Variants in PRKCE observed in about 807,000 individuals in gnomAD.
PRKCE encodes the protein protein kinase C epsilon type.
PRKCE carries 16 observed loss-of-function variants against 85.4 expected under a neutral mutation model. The ratio of observed to expected loss-of-function variants is 0.19; its 90% CI spans 0.13 to 0.28. The LOEUF (loss-of-function observed/expected upper bound fraction) is 0.28. Ranked by LOEUF, PRKCE falls within the 10% of genes least tolerant of loss-of-function variation. PRKCE has a pLI of 1.00. For missense variants in PRKCE, 573 were observed against 975.2 expected, an observed-to-expected ratio of 0.59 and a Z score of 5.49; for synonymous variants, 388 against 371.5, an observed-to-expected ratio of 1.04 and a Z score of -0.51.
At chr2:46,008,942 G>A (rs1388396543) in intron 9 of PRKCE, among the ~76,000 whole-genome samples, 1 of 152,068 alleles carries the variant, frequency 6.6e-6, no homozygotes, top group Admixed American at 6.5e-5. Flanking sequence ...TAAAATACGC[G>A]GGCGACAAAA....
At chr2:46,010,978 G>T (rs925541288) in intron 10 of PRKCE, 13 of 1,376,046 alleles carry the variant, frequency 9.4e-6, no homozygotes, top group Non-Finnish European at 1.2e-5. Flanking sequence ...AAATTTCATA[G>T]TGAAACACAA....
intron 2 of PRKCE, among the ~76,000 whole-genome samples, chr2:45,883,434 C>T (rs28415173): frequency 0.067 from 10,208 of 152,222 alleles, 1,154 homozygotes; most frequent in African/African-American, 0.23. Flanking sequence ...TAATGGCCTT[C>T]GGGAGCCAAC....
At chr2:46,098,538 T>C (rs1321788109) in intron 11 of PRKCE, among the ~76,000 whole-genome samples, 1 of 151,594 alleles carries the variant, frequency 6.6e-6, no homozygotes, top group African/African-American at 2.4e-5. Flanking sequence ...GTTAGTAAAC[T>C]GATGAAAACA....
Position 46,139,571 on chromosome 2 carries a change from C to T in PRKCE, c.1593-5522C>T, listed in dbSNP as rs1675307326. On this transcript the variant is annotated intron_variant, in intron 11 of 14. Transcript: ENST00000306156. This position sits in a 1 kb window ranked among gnomAD's most constrained non-coding sequence, Gnocchi z 5.2. ...GAAGGCTGATGGTCCAGTTACCATT[C>T]CTAGGACTTAGTCCTTGTCTTTATG... Among the ~76,000 whole-genome samples the T allele has an allele frequency of 6.6e-6, 1 of 151,996 alleles. No homozygotes were observed. The highest frequency in any genetic ancestry group is 1.5e-5 in the Non-Finnish European group (1 of 67,994).
At chr2:46,055,194 TGCTTCTGGG>T (rs1335921218) in intron 10 of PRKCE, among the ~76,000 whole-genome samples, 4 of 152,208 alleles carry the variant, frequency 2.6e-5, no homozygotes, top group Admixed American at 1.3e-4. Flanking sequence ...ACTATTATAC[TGCTTCTGGG>T]GCTTCAGGGA....
intron 2 of PRKCE, among the ~76,000 whole-genome samples, chr2:45,965,520 G>C (rs994045513): frequency 5.3e-5 from 8 of 152,206 alleles, no homozygotes; most frequent in Non-Finnish European, 1.0e-4. Flanking sequence ...CCTAGCTTCT[G>C]TGAGGAGCAC....
At chr2:45,717,155 G>A (rs1230446874) in intron 1 of PRKCE, among the ~76,000 whole-genome samples, 1 of 152,202 alleles carries the variant, frequency 6.6e-6, no homozygotes, top group Non-Finnish European at 1.5e-5. Context: ...CCCATTGTTT[G>A]CCTCCCACAA....
At chr2:45,927,647 A>C (rs538846526) in intron 2 of PRKCE, among the ~76,000 whole-genome samples, 8 of 152,350 alleles carry the variant, frequency 5.3e-5, no homozygotes, top group African/African-American at 1.9e-4. Flanking sequence ...AGAGAAAGGG[A>C]GGATTTCATC....
In PRKCE at chr2:45,652,545, C is replaced by A; in HGVS notation, c.348+97C>A. 1.7e-6 allele frequency: 2 copies of A among 1,175,704 alleles called. No homozygotes were observed. The highest frequency in any genetic ancestry group is 1.6e-5 in the South Asian group (1 of 64,204). The allele number at this position is 1,175,704 out of a possible 1,614,324, so 72.8% of individuals were successfully genotyped here. A position where few individuals can be genotyped will look rare whatever the true frequency, so the allele number is the denominator to read the frequency against. Reference sequence around the variant, plus strand: ...ATCGTAGGGCTCCGGGACTTATTGACGACTGGGGTGTGTGTGCCTGTAAGT... The same window carrying A: ...ATCGTAGGGCTCCGGGACTTATTGAAGACTGGGGTGTGTGTGCCTGTAAGT... On this transcript the variant is annotated intron_variant, in intron 1 of 14. Transcript: ENST00000306156. This position sits in a 1 kb window ranked among gnomAD's most constrained non-coding sequence, Gnocchi z 7.7.
chr2:45,962,493 T>A (rs1228824582), intron 2 of PRKCE, among the ~76,000 whole-genome samples: 1 of 152,236 alleles, frequency 6.6e-6, no homozygotes, highest in Non-Finnish European at 1.5e-5. Flanking sequence ...CCCCCCTTCC[T>A]TTTTTGTTCC....
intron 10 of PRKCE, among the ~76,000 whole-genome samples, chr2:46,052,576 T>A (rs1001659706): frequency 2.0e-5 from 3 of 152,206 alleles, no homozygotes; most frequent in Non-Finnish European, 2.9e-5. Flanking sequence ...CTCCCCAAAT[T>A]GATCTCTACA....
intron 1 of PRKCE, among the ~76,000 whole-genome samples, chr2:45,755,866 C>G (rs77174629): frequency 6.6e-6 from 1 of 152,070 alleles, no homozygotes; most frequent in Non-Finnish European, 1.5e-5. Flanking sequence ...GCTGGAGTCA[C>G]CAGAAGAAAC....
Position 45,738,430 on chromosome 2 carries a change from G to A in PRKCE, c.348+85982G>A, listed in dbSNP as rs1455891476. On this transcript the variant is annotated intron_variant, in intron 1 of 14. Transcript: ENST00000306156. ...CCTTTGCTCATGCCTTGCCTTCCCC[G>A]AAATGCCCTTCCTCCTCTCCTCCAC... Among the ~76,000 whole-genome samples the A allele has an allele frequency of 1.4e-4, 21 of 152,034 alleles. 1 individual carries two copies. Among genetic ancestry groups the A allele is most frequent in the Admixed American group, 1.4e-3 (21 of 15,270 alleles).
At chr2:45,932,326 C>G (rs1338876398) in intron 2 of PRKCE, among the ~76,000 whole-genome samples, 7 of 152,182 alleles carry the variant, frequency 4.6e-5, no homozygotes, top group Non-Finnish European at 2.9e-5. Context: ...TGGACATGCA[C>G]TTGTTTCCAG....
chr2:45,866,371 G>A lies in PRKCE; in HGVS notation c.412+23308G>A, dbSNP rs926182281. On this transcript the variant is annotated intron_variant, in intron 2 of 14. Coordinates refer to ENST00000306156, the MANE Select transcript of PRKCE (RefSeq NM_005400.3). ...TACCGAGGCTGGAATGCAGTGGCAC[G>A]ATCTCAGCTCACTGCAAGCTCCCGC... Among the ~76,000 whole-genome samples, 18 of 152,022 alleles carry A rather than the reference G, an allele frequency of 1.2e-4. 1 individual carries two copies. In the East Asian group the frequency reaches 3.3e-3, roughly 28 times the overall value.
intron 1 of PRKCE, among the ~76,000 whole-genome samples, chr2:45,694,980 A>G (rs1678023540): frequency 6.6e-6 from 1 of 152,186 alleles, no homozygotes; most frequent in Admixed American, 6.5e-5. Flanking sequence ...CTTCTCCTTC[A>G]GTTTGGCTAT....
chr2:46,144,541 T>A (rs1467175522), intron 11 of PRKCE, among the ~76,000 whole-genome samples: 1 of 152,184 alleles, frequency 6.6e-6, no homozygotes, highest in Non-Finnish European at 1.5e-5. Context: ...CTTCTAACCA[T>A]GTTTCTCTTG....
intron 11 of PRKCE, among the ~76,000 whole-genome samples, chr2:46,126,427 C>T (rs1387147543): frequency 1.3e-5 from 2 of 152,068 alleles, no homozygotes; most frequent in African/African-American, 4.8e-5. Context: ...AGGAGGGGCA[C>T]TGAACCCCCA....
At chr2:46,067,628 T>C (rs1667731737) in intron 10 of PRKCE, among the ~76,000 whole-genome samples, 1 of 152,258 alleles carries the variant, frequency 6.6e-6, no homozygotes, top group African/African-American at 2.4e-5. Context: ...ATGAGCACTT[T>C]ATGTGTTGCA....
Sources: gnomAD v4.1 joint callset for allele counts (sites outside exome capture counted in the v4.1 genomes callset) on GRCh38, gnomAD v4.1.1 for gene constraint, Gnocchi (gnomAD v3.1) non-coding constraint, MANE v1.5 for transcripts, NCBI Gene and HGNC (gene_info 2026-07-23, HGNC 2026-07-21) for gene names.